Variants in RP2 observed in about 807,000 individuals in gnomAD.
RP2 encodes RP2 activator of ARL3 GTPase.
Under a neutral mutation model 20.3 loss-of-function variants are expected in RP2, and 3 were observed. The observed-to-expected ratio is 0.15, with a 90% CI of 0.07 to 0.38. The LOEUF (loss-of-function observed/expected upper bound fraction) is 0.38, where lower values mean the gene tolerates loss of function less well. Among genes scored for constraint, RP2 ranks in the 10% least tolerant of loss-of-function variants. The pLI is 1.00. For missense variants in RP2, 233 were observed against 268.5 expected (o/e 0.87, Z 0.92); for synonymous variants, 75 against 94.8 (o/e 0.79, Z 1.22).
intron 4 of RP2, 114 bp downstream of exon 4, chrX:46,877,704 G>GTGTGTA (rs1491168403): frequency 3.1e-5 from 8 of 260,901 alleles, no homozygotes; most frequent in Non-Finnish European, 4.9e-5. Context: ...AATTTTTGGG[G>GTGTGTA]TGTGTGTGTG....
Position 46,837,222 on chromosome X carries a change from C to T in RP2, c.102+20C>T. 2 of 1,157,959 alleles carry T rather than the reference C, an allele frequency of 1.7e-6. No homozygotes were observed. Among genetic ancestry groups the T allele is most frequent in the East Asian group, 3.3e-5 (1 of 30,707 alleles). ...GAGAAGGTAATGAAAGTCGTGTAGC[C>T]GCCGTCTCAGCCTCCCTGAGCCGCT... On this transcript the variant is annotated intron_variant, in intron 1 of 4. Transcript: ENST00000218340.
chrX:46,842,908 C>T (rs1410437333), intron 1 of RP2, among the ~76,000 whole-genome samples: 1 of 110,872 alleles, frequency 9.0e-6, no homozygotes, highest in Non-Finnish European at 1.9e-5. Flanking sequence ...GTGCTATGAA[C>T]ATTTGTATAC....
intron 1 of RP2, among the ~76,000 whole-genome samples, chrX:46,841,620 A>G (rs1924623668): frequency 8.9e-6 from 1 of 111,776 alleles, no homozygotes; most frequent in Non-Finnish European, 1.9e-5. Flanking sequence ...CAGAAGCTGC[A>G]TGGTTTTTTT....
At chrX:46,873,821 A>C (rs1396222368) in intron 3 of RP2, among the ~76,000 whole-genome samples, 2 of 111,040 alleles carry the variant, frequency 1.8e-5, no homozygotes, top group African/African-American at 6.5e-5. Flanking sequence ...CTGCTATAGG[A>C]GTCTTCATAT....
chrX:46,855,280 G>T (rs1209495636), intron 2 of RP2, among the ~76,000 whole-genome samples: 1 of 109,199 alleles, frequency 9.2e-6, no homozygotes, highest in African/African-American at 3.3e-5. Flanking sequence ...GCTTCTGCTT[G>T]AAAAATAATT....
intron 2 of RP2, among the ~76,000 whole-genome samples, chrX:46,859,404 G>A (rs1371766239): frequency 1.9e-5 from 2 of 107,661 alleles, no homozygotes; most frequent in African/African-American, 6.8e-5. Flanking sequence ...TGGGAGAATC[G>A]TTTGAACCCA....
rs782461856 is a variant in RP2, at chrX:46,851,792, C to T, written c.103-1684C>T. ...TAAAAATACAAAAACAGGGGCCAGG[C>T]GTGGTGGCTCACGCCTGTAATCCCA... On this transcript the variant is annotated intron_variant, in intron 1 of 4. Transcript: ENST00000218340. Among the ~76,000 whole-genome samples, 12 of 111,980 alleles carry T rather than the reference C, an allele frequency of 1.1e-4. No homozygotes were observed. In the South Asian group the frequency reaches 4.1e-3, roughly 38 times the overall value.
intron 3 of RP2, among the ~76,000 whole-genome samples, chrX:46,870,154 G>A (rs1367930285): frequency 3.6e-5 from 4 of 110,829 alleles, no homozygotes; most frequent in Non-Finnish European, 7.6e-5. Flanking sequence ...GTCAGCCAGG[G>A]TAGAGTGCAG....
intron 1 of RP2, among the ~76,000 whole-genome samples, chrX:46,852,291 G>A (rs916272441): frequency 5.3e-4 from 59 of 111,689 alleles, no homozygotes; most frequent in African/African-American, 1.8e-3. Flanking sequence ...AGGAAGTAGC[G>A]AAGGAAGAAA....
chrX:46,872,127 C>G (rs1436859274), intron 3 of RP2, among the ~76,000 whole-genome samples: 2 of 112,227 alleles, frequency 1.8e-5, no homozygotes, highest in African/African-American at 6.5e-5. Flanking sequence ...TTCTTTATCT[C>G]TGATAATTTT....
Position 46,839,561 on chromosome X carries a change from A to AT in RP2, c.102+2359_102+2360insT, listed in dbSNP as rs1251309412. Among the ~76,000 whole-genome samples the AT allele has an allele frequency of 8.5e-4, 94 of 110,309 alleles. 1 individual carries two copies. In the South Asian group the frequency reaches 0.034, roughly 39 times the overall value. On this transcript the variant is annotated intron_variant, in intron 1 of 4. Transcript: ENST00000218340. ...AGTGAGACCCTGTTTCCAAAAAAAA[A>AT]AAATAAATAAATAAAATATTTTTTC...
intron 1 of RP2, among the ~76,000 whole-genome samples, chrX:46,845,096 G>A (rs1556315834): frequency 8.9e-6 from 1 of 111,764 alleles, no homozygotes; most frequent in African/African-American, 3.3e-5. Flanking sequence ...GGTGTCACTT[G>A]GGTTAAGTCA....
At chrX:46,874,652 A>G (rs969219665) in intron 3 of RP2, among the ~76,000 whole-genome samples, 1 of 107,876 alleles carries the variant, frequency 9.3e-6, no homozygotes, top group East Asian at 2.8e-4. Flanking sequence ...AAACAAAATT[A>G]AAAATGTTTT....
intron 2 of RP2, among the ~76,000 whole-genome samples, chrX:46,855,810 A>C (rs1298999564): frequency 9.5e-6 from 1 of 105,341 alleles, no homozygotes; most frequent in Non-Finnish European, 1.9e-5. Context: ...TTTTTTTTTT[A>C]AGTTGGAACA....
intron 2 of RP2, among the ~76,000 whole-genome samples, chrX:46,855,700 C>T (rs1488989943): frequency 2.7e-5 from 3 of 110,509 alleles, no homozygotes; most frequent in African/African-American, 9.9e-5. Flanking sequence ...CTCCTGACCT[C>T]AAGCAGTCCA....
At chrX:46,842,170 C>T (rs1556315037) in intron 1 of RP2, among the ~76,000 whole-genome samples, 1 of 112,265 alleles carries the variant, frequency 8.9e-6, no homozygotes, top group Non-Finnish European at 1.9e-5. Context: ...CTGCCTCGAC[C>T]TCTCAAAGTG....
rs182125006 is a variant in RP2, at chrX:46,839,604, G to A, written c.102+2402G>A. ...ATTTTTTCCTAGTTCCTTGCCTCCC[G>A]TGAGGTTAATTTGGGCTAGTGTGCA... On this transcript the variant is annotated intron_variant, in intron 1 of 4. Transcript: ENST00000218340. 2.4e-4 allele frequency among the ~76,000 whole-genome samples: 27 copies of A among 110,899 alleles called. No individual in the cohort carries two copies. In the East Asian group the frequency reaches 4.2e-3, roughly 17 times the overall value.
chrX:46,852,064 CG>C (rs1294810932), intron 1 of RP2, among the ~76,000 whole-genome samples: 16 of 110,922 alleles, frequency 1.4e-4, no homozygotes, highest in African/African-American at 5.2e-4. Context: ...CAAAATTAGC[CG>C]GGTGTGGTGG....
chrX:46,871,139 A>C (rs1925284805), intron 3 of RP2, among the ~76,000 whole-genome samples: 1 of 102,212 alleles, frequency 9.8e-6, no homozygotes, highest in Non-Finnish European at 2.0e-5. Flanking sequence ...GTCCTGCCTC[A>C]GCCTCCCGAG....
Sources: allele counts gnomAD v4.1 joint callset (sites outside exome capture counted in the v4.1 genomes callset), GRCh38; gene constraint gnomAD v4.1.1; transcripts MANE v1.5; gene names NCBI Gene and HGNC (gene_info 2026-07-23, HGNC 2026-07-21).